CPA6: variants seen among roughly 807,000 people sequenced by gnomAD.
The protein encoded by CPA6 is carboxypeptidase A6.
In CPA6, 58 loss-of-function variants were observed where a neutral mutation model predicts 63.3. The observed-to-expected ratio is 0.92, with a 90% CI of 0.74 to 1.14. The LOEUF (loss-of-function observed/expected upper bound fraction) is 1.14, where lower values mean the gene tolerates loss of function less well. CPA6 is among the 50% of genes most tolerant of loss of function. CPA6 has a pLI of 0.00. For synonymous variants in CPA6, 185 were observed against 179.0 expected (o/e 1.03, Z -0.27); for missense variants, 565 against 526.6 (o/e 1.07, Z -0.71).
At chr8:67,656,413 G>A (rs565006502) in intron 1 of CPA6, among the ~76,000 whole-genome samples, 2 of 152,290 alleles carry the variant, frequency 1.3e-5, no homozygotes, top group East Asian at 3.9e-4. Flanking sequence ...AAACATGGAT[G>A]AGCACAGCAA....
rs147175072 is a variant in CPA6 at position 67,503,910 on chromosome 8, C to A, written c.636+2877G>T. On this transcript the variant is annotated intron_variant, in intron 6 of 10. Transcript: ENST00000297770. ...TAATGCTCTCGCTCCCATTTTCCCC[C>A]ATCCCCTGACAGGCCCCAGTGTGTG... Among the ~76,000 whole-genome samples, 639 of 152,228 alleles carry A rather than the reference C, an allele frequency of 4.2e-3. 11 individuals carry two copies. The highest frequency in any genetic ancestry group is 0.04 in the East Asian group (205 of 5,174).
intron 2 of CPA6, among the ~76,000 whole-genome samples, chr8:67,528,950 G>T (rs1342841457): frequency 1.3e-5 from 2 of 150,796 alleles, no homozygotes; most frequent in East Asian, 4.0e-4. Context: ...TATTGAAAAG[G>T]ATTATTGCAA....
At chr8:67,512,508 G>A (rs918694001) in intron 3 of CPA6, among the ~76,000 whole-genome samples, 3 of 152,216 alleles carry the variant, frequency 2.0e-5, no homozygotes, top group South Asian at 2.1e-4. Flanking sequence ...AGGCCAGGGC[G>A]GGGATTCCAG....
chr8:67,507,343 G>A (rs1306779787), intron 5 of CPA6, among the ~76,000 whole-genome samples: 1 of 151,716 alleles, frequency 6.6e-6, no homozygotes, highest in Non-Finnish European at 1.5e-5. Flanking sequence ...CCATCCCAAG[G>A]AATATTTCTT....
At chr8:67,534,438 G>A (rs1357505370) in intron 2 of CPA6, among the ~76,000 whole-genome samples, 2 of 152,130 alleles carry the variant, frequency 1.3e-5, no homozygotes, top group African/African-American at 4.8e-5. Context: ...ACAGGTACAT[G>A]TAGGTTTAAA....
chr8:67,501,589 T>C (rs1227275153), intron 6 of CPA6, among the ~76,000 whole-genome samples: 1 of 152,166 alleles, frequency 6.6e-6, no homozygotes, highest in Non-Finnish European at 1.5e-5. Flanking sequence ...TGGGATTGCA[T>C]CCCTGAAATA....
intron 2 of CPA6, among the ~76,000 whole-genome samples, chr8:67,613,372 G>A (rs1231541574): frequency 6.6e-6 from 1 of 152,198 alleles, no homozygotes; most frequent in Non-Finnish European, 1.5e-5. Context: ...TTTGTTGACT[G>A]TCTACTATTG....
chr8:67,656,907 A>C (rs1815998607), intron 1 of CPA6, among the ~76,000 whole-genome samples: 1 of 152,176 alleles, frequency 6.6e-6, no homozygotes, highest in African/African-American at 2.4e-5. Context: ...TTTCCAAATA[A>C]TTTGGCATCA....
At chr8:67,551,178 T>C (rs1440111944) in intron 2 of CPA6, among the ~76,000 whole-genome samples, 1 of 152,176 alleles carries the variant, frequency 6.6e-6, no homozygotes, top group Admixed American at 6.6e-5. Flanking sequence ...TACATTGAAA[T>C]CTTTAATCCA....
At chr8:67,588,221 T>A (rs141880669) in intron 2 of CPA6, among the ~76,000 whole-genome samples, 95 of 152,286 alleles carry the variant, frequency 6.2e-4, no homozygotes, top group African/African-American at 2.1e-3. Context: ...CCGTTTAACA[T>A]TATGGATTAT....
intron 2 of CPA6, among the ~76,000 whole-genome samples, chr8:67,567,967 T>A (rs1197802760): frequency 6.6e-6 from 1 of 151,828 alleles, no homozygotes; most frequent in Non-Finnish European, 1.5e-5. Flanking sequence ...CCCACAGAGA[T>A]CAGCACACAG....
intron 1 of CPA6, among the ~76,000 whole-genome samples, chr8:67,708,769 T>C (rs983557643): frequency 6.6e-6 from 1 of 152,172 alleles, no homozygotes; most frequent in Admixed American, 6.5e-5. Flanking sequence ...TACAGAAGAC[T>C]AATCTTCATC....
At chr8:67,541,994 C>T (rs1812718505) in intron 2 of CPA6, among the ~76,000 whole-genome samples, 1 of 152,228 alleles carries the variant, frequency 6.6e-6, no homozygotes, top group South Asian at 2.1e-4. Flanking sequence ...CAACGATTAT[C>T]CACTATGTCC....
chr8:67,577,937 G>A (rs113350639), intron 2 of CPA6, among the ~76,000 whole-genome samples: 3 of 152,244 alleles, frequency 2.0e-5, no homozygotes, highest in Admixed American at 6.5e-5. Context: ...TGATAAAATT[G>A]TTCCCTTAGA....
intron 2 of CPA6, among the ~76,000 whole-genome samples, chr8:67,587,128 A>G (rs1371981258): frequency 6.6e-6 from 1 of 152,234 alleles, no homozygotes; most frequent in Non-Finnish European, 1.5e-5. Flanking sequence ...GCTATAAAGA[A>G]TGTGGATCCG....
intron 1 of CPA6, among the ~76,000 whole-genome samples, chr8:67,734,839 A>C (rs991683149): frequency 3.9e-5 from 6 of 152,228 alleles, no homozygotes; most frequent in Non-Finnish European, 7.3e-5. Context: ...CAAAATCAGA[A>C]AAAGGAACCT....
chr8:67,504,316 A>G (rs1193183246), intron 6 of CPA6, among the ~76,000 whole-genome samples: 1 of 152,190 alleles, frequency 6.6e-6, no homozygotes, highest in African/African-American at 2.4e-5. Flanking sequence ...ATGTGATCCA[A>G]CAATTCCTGC....
At chr8:67,563,301 T>C (rs1403550533) in intron 2 of CPA6, among the ~76,000 whole-genome samples, 2 of 152,150 alleles carry the variant, frequency 1.3e-5, no homozygotes, top group African/African-American at 4.8e-5. Context: ...TGGGTTGCAT[T>C]TGACTGATGG....
At chr8:67,648,480 A>T (rs1046426268) in intron 1 of CPA6, among the ~76,000 whole-genome samples, 1 of 152,192 alleles carries the variant, frequency 6.6e-6, no homozygotes, top group Non-Finnish European at 1.5e-5. Flanking sequence ...TCTTGAGCAA[A>T]TGGAGCATAA....
Sources: allele counts gnomAD v4.1 joint callset (sites outside exome capture counted in the v4.1 genomes callset), GRCh38; gene constraint gnomAD v4.1.1; transcripts MANE v1.5; gene names NCBI Gene and HGNC (gene_info 2026-07-23, HGNC 2026-07-21).